MYRIP: variants seen among roughly 807,000 people sequenced by gnomAD.
MYRIP encodes myosin VIIA and Rab interacting protein.
Under a neutral mutation model 98.0 loss-of-function variants are expected in MYRIP, and 49 were observed. The observed-to-expected ratio is 0.50, with a 90% CI of 0.40 to 0.63. The LOEUF (loss-of-function observed/expected upper bound fraction) is 0.63. MYRIP is among the 30% of genes least tolerant of loss of function. The pLI is 0.00. For missense variants in MYRIP, 1,004 were observed against 1,058.2 expected, an observed-to-expected ratio of 0.95 and a Z score of 0.71; for synonymous variants, 404 against 409.5, an observed-to-expected ratio of 0.99 and a Z score of 0.16.
intron 2 of MYRIP, among the ~76,000 whole-genome samples, chr3:39,960,894 C>A (rs566923139): frequency 3.3e-5 from 5 of 152,124 alleles, no homozygotes; most frequent in African/African-American, 1.2e-4. Context: ...TCGATACCTC[C>A]CCCTCATGAG....
intron 2 of MYRIP, among the ~76,000 whole-genome samples, chr3:39,961,158 T>C (rs1356199989): frequency 6.6e-6 from 1 of 152,092 alleles, no homozygotes; most frequent in Non-Finnish European, 1.5e-5. Context: ...GAACATTATG[T>C]TCAGGGTTAA....
At chr3:39,966,799 T>C (rs767831538) in intron 2 of MYRIP, among the ~76,000 whole-genome samples, 15 of 152,250 alleles carry the variant, frequency 9.9e-5, no homozygotes, top group Non-Finnish European at 1.6e-4. Context: ...AAAATCCACC[T>C]CACTCTCTCC....
chr3:39,857,458 A>G (rs1269892460), intron 1 of MYRIP, among the ~76,000 whole-genome samples: 1 of 152,218 alleles, frequency 6.6e-6, no homozygotes, highest in Non-Finnish European at 1.5e-5. Flanking sequence ...GACTGAACAA[A>G]TAATTCAATA....
chr3:40,250,625 C>T (rs1559477333), intron 15 of MYRIP, 126 bp downstream of exon 15: 1 of 1,152,122 alleles, frequency 8.7e-7, no homozygotes, highest in Non-Finnish European at 1.2e-6. Context: ...TTGCTCTTGT[C>T]TATCTTGATT....
chr3:39,900,905 A>G lies in MYRIP; in HGVS notation c.89A>G (p.Lys30Arg), dbSNP rs765598624. The G allele has an allele frequency of 4.3e-6, 7 of 1,613,428 alleles. No homozygotes were observed. Among genetic ancestry groups the G allele is most frequent in the Non-Finnish European group, 5.1e-6 (6 of 1,179,898 alleles). Residue 30 changes from lysine (K) to arginine (R), a missense_variant, in exon 2 of 17, where the codon AAA becomes AGA. Lys to Arg is a conservative substitution (Grantham distance 26). Around this residue, in one of 3 missense-constraint regions of MYRIP, gnomAD observed 880 missense variants for 907.7 expected, o/e 0.97. Coordinates refer to ENST00000302541, the MANE Select transcript of MYRIP (RefSeq NM_015460.4). Reference sequence around the variant, plus strand: ...GTTCAAAGAGACTTCAATCTTCGCAAAAAAGAAGAAGAACGACTAAGGTGA... The same window carrying G: ...GTTCAAAGAGACTTCAATCTTCGCAGAAAAGAAGAAGAACGACTAAGGTGA... ...QVVQRDFNLR[K>R]KEEERLSELK...
At chr3:40,170,398 TG>T (rs917296574) in intron 8 of MYRIP, among the ~76,000 whole-genome samples, 15 of 151,926 alleles carry the variant, frequency 9.9e-5, no homozygotes, top group Non-Finnish European at 1.5e-5. Flanking sequence ...CTGAGTCCAG[TG>T]GGGGAAAATA....
chr3:39,839,327 G>C (rs1941725739), intron 1 of MYRIP, among the ~76,000 whole-genome samples: 1 of 150,966 alleles, frequency 6.6e-6, no homozygotes, highest in South Asian at 2.1e-4. Context: ...GCATGATCTT[G>C]GCTCACTGCA....
At chr3:40,190,615 C>G in intron 10 of MYRIP, 152 bp downstream of exon 10, 1 of 1,283,148 alleles carries the variant, frequency 7.8e-7, no homozygotes, top group Non-Finnish European at 1.0e-6. Flanking sequence ...TGCCTCTAGA[C>G]AGGTCACATC....
At chr3:40,039,726 CTTT>C (rs34636704) in intron 2 of MYRIP, among the ~76,000 whole-genome samples, 1 of 148,342 alleles carries the variant, frequency 6.7e-6, no homozygotes. Flanking sequence ...ACTGTTTTCC[CTTT>C]TTTTTTTTTA....
chr3:39,873,412 C>T (rs955552218), intron 1 of MYRIP, among the ~76,000 whole-genome samples: 5 of 152,076 alleles, frequency 3.3e-5, no homozygotes, highest in Non-Finnish European at 4.4e-5. Flanking sequence ...AAGTCCTTGC[C>T]CATGCCTGTG....
chr3:39,886,510 G>C (rs1483432304), intron 1 of MYRIP, among the ~76,000 whole-genome samples: 5 of 149,784 alleles, frequency 3.3e-5, no homozygotes, highest in Admixed American at 3.3e-4. Context: ...CAAGCAAATG[G>C]AAAACAAAAA....
chr3:40,126,774 AAAT>A, intron 3 of MYRIP, among the ~76,000 whole-genome samples: 1 of 152,310 alleles, frequency 6.6e-6, no homozygotes, highest in East Asian at 1.9e-4. Context: ...AACTATTTAG[AAAT>A]AATAATTCCT....
At chr3:40,212,509 C>T (rs1575639947) in intron 11 of MYRIP, among the ~76,000 whole-genome samples, 1 of 152,154 alleles carries the variant, frequency 6.6e-6, no homozygotes, top group Middle Eastern at 3.4e-3. Context: ...TGGCTCATGC[C>T]CATAATCCCA....
At position 39,890,955 on chromosome 3, in the gene MYRIP, A is replaced by T. The variant is rs1393403682; in HGVS notation, c.-30-9832A>T. On this transcript the variant is annotated intron_variant, in intron 1 of 16. Transcript: ENST00000302541. ...GGTGTTTGCTGATGTCTGCAGCTTC[A>T]GGAAGCTCTCTCTGCAGCCTTTTAT... is the stretch of plus-strand genomic sequence containing the variant. Among the ~76,000 whole-genome samples, 6 of 152,116 alleles carry T rather than the reference A, an allele frequency of 3.9e-5. No individual in the cohort carries two copies. The East Asian group carries it at 1.2e-3, about 29-fold the overall frequency.
chr3:39,965,613 G>A (rs781766095), intron 2 of MYRIP, among the ~76,000 whole-genome samples: 2 of 152,088 alleles, frequency 1.3e-5, no homozygotes, highest in Admixed American at 1.3e-4. Flanking sequence ...GACTGACTAG[G>A]CTTGACCATA....
At position 40,042,306 on chromosome 3, in the gene MYRIP, AAAAGAG is replaced by A. The variant is rs1245786086; in HGVS notation, c.111-1742_111-1737del. ...GGAAGGATAAAAAAAAAAAAAAAAA[AAAAGAG>A]AGCCAACCTTCAACCCACTACAGGG... On this transcript the variant is annotated intron_variant, in intron 2 of 16. Transcript: ENST00000302541. 2.8e-4 allele frequency among the ~76,000 whole-genome samples: 42 copies of A among 150,284 alleles called. 1 individual carries two copies. In the East Asian group the frequency reaches 5.4e-3, roughly 19 times the overall value.
chr3:39,954,050 T>G (rs4676545), intron 2 of MYRIP, among the ~76,000 whole-genome samples: 44,944 of 151,806 alleles, frequency 0.3, 6,822 homozygotes, highest in Middle Eastern at 0.37. Flanking sequence ...GCTCAGGGAG[T>G]CCTATCTGCC....
chr3:40,016,831 C>T (rs887752456), intron 2 of MYRIP, among the ~76,000 whole-genome samples: 8 of 152,206 alleles, frequency 5.3e-5, no homozygotes, highest in African/African-American at 1.9e-4. Flanking sequence ...GATTACAAGT[C>T]ACAGATTGCC....
At chr3:39,947,277 G>C (rs952373178) in intron 2 of MYRIP, among the ~76,000 whole-genome samples, 1 of 151,288 alleles carries the variant, frequency 6.6e-6, no homozygotes, top group Non-Finnish European at 1.5e-5. Flanking sequence ...GAAAACTTGG[G>C]GTAATAAAAG....
Sources: gnomAD v4.1 joint callset for allele counts (sites outside exome capture counted in the v4.1 genomes callset) on GRCh38, gnomAD v4.1.1 for gene constraint, gnomAD v4.1.1 regional missense constraint, MANE v1.5 for transcripts, NCBI Gene and HGNC (gene_info 2026-07-23, HGNC 2026-07-21) for gene names.